The following PCDH15 variants were observed in gnomAD, a reference collection of about 807,000 sequenced individuals.
The protein encoded by PCDH15 is protocadherin related 15, also known as protocadherin-15.
A neutral mutation model predicts 178.5 loss-of-function variants in PCDH15; 129 were observed. That is an observed-to-expected ratio of 0.72 (90% confidence interval 0.63 to 0.84). PCDH15 has a LOEUF of 0.84. PCDH15 is among the 40% of genes least tolerant of loss of function. The pLI is 0.00. For missense variants in PCDH15, 2,230 were observed against 2,099.9 expected, an observed-to-expected ratio of 1.06 and a Z score of -1.21; for synonymous variants, 800 against 732.0, an observed-to-expected ratio of 1.09 and a Z score of -1.50.
chr10:54,363,987 C>T (rs1297444008), intron 5 of PCDH15, among the ~76,000 whole-genome samples: 1 of 151,726 alleles, frequency 6.6e-6, no homozygotes, highest in African/African-American at 2.4e-5. Flanking sequence ...CTGAGGCAGG[C>T]GGATCACCTG....
At chr10:55,229,352 T>A (rs1412456014) in intron 1 of PCDH15, among the ~76,000 whole-genome samples, 2 of 152,120 alleles carry the variant, frequency 1.3e-5, no homozygotes, top group East Asian at 3.9e-4. Context: ...TAGAGGTTTA[T>A]AATCTGTTGT....
At chr10:53,927,389 G>A (rs1174610001) in intron 25 of PCDH15, among the ~76,000 whole-genome samples, 1 of 151,936 alleles carries the variant, frequency 6.6e-6, no homozygotes, top group East Asian at 1.9e-4. Flanking sequence ...CACTTTATAT[G>A]TTTAACTCAT....
intron 1 of PCDH15, among the ~76,000 whole-genome samples, chr10:55,192,244 T>A (rs1467076359): frequency 6.6e-6 from 1 of 151,684 alleles, no homozygotes; most frequent in South Asian, 2.1e-4. Flanking sequence ...GTCTCTTCCA[T>A]AACCAAAACC....
intron 28 of PCDH15, among the ~76,000 whole-genome samples, chr10:53,841,515 T>C (rs1330914061): frequency 6.6e-6 from 1 of 152,184 alleles, no homozygotes; most frequent in Non-Finnish European, 1.5e-5. Flanking sequence ...TGTATGTGCT[T>C]GGTTTGCCTT....
intron 3 of PCDH15, among the ~76,000 whole-genome samples, chr10:54,885,178 C>T (rs1235514050): frequency 1.3e-5 from 2 of 151,926 alleles, no homozygotes; most frequent in Admixed American, 6.6e-5. Flanking sequence ...TTGGTCATTA[C>T]CACTGTTAGC....
chr10:54,280,192 C>T (rs2058598837), intron 8 of PCDH15, among the ~76,000 whole-genome samples: 1 of 151,534 alleles, frequency 6.6e-6, no homozygotes, highest in African/African-American at 2.4e-5. Context: ...TACCCATTTC[C>T]TTTTAAGTAA....
chr10:54,247,394 T>C (rs2056054974), intron 8 of PCDH15, among the ~76,000 whole-genome samples: 1 of 152,020 alleles, frequency 6.6e-6, no homozygotes, highest in Admixed American at 6.6e-5. Flanking sequence ...ACTCAAAAAC[T>C]TTGAATAAAG....
intron 2 of PCDH15, among the ~76,000 whole-genome samples, chr10:54,654,725 T>C (rs572552409): frequency 6.6e-6 from 1 of 152,362 alleles, no homozygotes; most frequent in South Asian, 2.1e-4. Flanking sequence ...TCGATTTCTA[T>C]GAAGAACATT....
intron 3 of PCDH15, among the ~76,000 whole-genome samples, chr10:54,456,234 C>T (rs370208643): frequency 6.6e-6 from 1 of 152,136 alleles, no homozygotes; most frequent in Admixed American, 6.6e-5. Flanking sequence ...TGAATGTCAG[C>T]CTGTGAAAGC....
intron 1 of PCDH15, among the ~76,000 whole-genome samples, chr10:54,752,518 AAACAAACAAAC>A (rs1946463218): frequency 1.3e-5 from 1 of 77,652 alleles, no homozygotes; most frequent in Non-Finnish European, 3.2e-5. Context: ...AAAAACAAAC[AAACAAACAAAC>A]AAAAAAAAAC....
intron 2 of PCDH15, among the ~76,000 whole-genome samples, chr10:55,053,089 G>T (rs140633835): frequency 3.6e-4 from 55 of 152,084 alleles, no homozygotes; most frequent in African/African-American, 1.3e-3. Context: ...TTCACAAAAG[G>T]ACATCATAAT....
chr10:54,616,083 C>T (rs1485251952), intron 2 of PCDH15, among the ~76,000 whole-genome samples: 3 of 151,774 alleles, frequency 2.0e-5, no homozygotes, highest in Admixed American at 6.6e-5. Context: ...TTTTAATGTG[C>T]AAAGCCTTTA....
intron 25 of PCDH15, among the ~76,000 whole-genome samples, chr10:53,918,369 A>C (rs1451576675): frequency 2.0e-5 from 3 of 152,200 alleles, no homozygotes; most frequent in African/African-American, 7.2e-5. Context: ...GCATGGTTAA[A>C]TTCATGCCCA....
rs189722737 is a variant in PCDH15 at position 55,518,274 on chromosome 10, A to G, written c.-156+109351T>C. Among the ~76,000 whole-genome samples, 349 of 152,150 alleles carry G rather than the reference A, an allele frequency of 2.3e-3. 2 individuals carry two copies. Among genetic ancestry groups the G allele is most frequent in the Middle Eastern group, 0.01 (3 of 294 alleles). ...CAGTTCATGCTGAACTCTTTTTGAT[A>G]TTGCAATAGTAGCTTACTGATTAAA... On this transcript the variant is annotated intron_variant, in intron 2 of 5. Coordinates refer to the PCDH15 transcript ENST00000613346.
chr10:54,212,958 C>A (rs116041409), intron 10 of PCDH15, among the ~76,000 whole-genome samples: 1 of 152,028 alleles, frequency 6.6e-6, no homozygotes, highest in Admixed American at 6.6e-5. Flanking sequence ...ACTAAAATTG[C>A]GGCAACAGTT....
At chr10:54,117,494 G>C (rs961009919) in intron 15 of PCDH15, among the ~76,000 whole-genome samples, 4 of 152,126 alleles carry the variant, frequency 2.6e-5, no homozygotes, top group South Asian at 2.1e-4. Flanking sequence ...GTCGGGGATG[G>C]GGTGCCTGTT....
intron 2 of PCDH15, among the ~76,000 whole-genome samples, chr10:55,460,524 C>G (rs1285908088): frequency 6.6e-6 from 1 of 152,004 alleles, no homozygotes; most frequent in Non-Finnish European, 1.5e-5. Context: ...GTATATTTTT[C>G]ACCGGACGCG....
At chr10:54,011,655 G>C (rs1363805099) in intron 20 of PCDH15, among the ~76,000 whole-genome samples, 3 of 152,120 alleles carry the variant, frequency 2.0e-5, no homozygotes, top group Non-Finnish European at 4.4e-5. Context: ...CCATCTGCTG[G>C]ATCACAGCCC....
At chr10:55,509,206 G>C (rs1474430786) in intron 2 of PCDH15, among the ~76,000 whole-genome samples, 1 of 151,658 alleles carries the variant, frequency 6.6e-6, no homozygotes, top group East Asian at 1.9e-4. Context: ...ACAATGATCT[G>C]AAATGCCCTC....
Sources: allele counts gnomAD v4.1 joint callset (sites outside exome capture counted in the v4.1 genomes callset), GRCh38; gene constraint gnomAD v4.1.1; transcripts MANE v1.5; gene names NCBI Gene and HGNC (gene_info 2026-07-23, HGNC 2026-07-21).